The following FLVCR2 variants were observed in gnomAD, a reference collection of about 807,000 sequenced individuals.
FLVCR2 encodes FLVCR choline and putative heme transporter 2.
FLVCR2 carries 38 observed loss-of-function variants against 48.9 expected under a neutral mutation model. That is an observed-to-expected ratio of 0.78 (90% confidence interval 0.60 to 1.02). The LOEUF is 1.02. FLVCR2 is among the 50% of genes least tolerant of loss of function. The pLI, the probability that FLVCR2 is intolerant of heterozygous loss-of-function variation, is 0.00. For missense variants in FLVCR2, 664 were observed against 663.3 expected (o/e 1.00, Z -0.01); for synonymous variants, 255 against 257.0 (o/e 0.99, Z 0.07).
Position 75,579,104 on chromosome 14 carries a change from C to A in FLVCR2, c.132C>A (p.Ser44Arg). Residue 44 changes from serine to arginine, a missense_variant, in exon 1 of 10, where the codon AGC becomes AGA. Ser to Arg is a moderately radical substitution (Grantham distance 110, BLOSUM62 -1). Transcript: ENST00000238667. ...SVHPSVSINP[S>R]VSVHPSSSAH... Reference sequence around the variant, plus strand: ...ATCCCAGCGTCTCCATCAACCCCAGCGTCTCTGTCCACCCCAGCAGTTCGG... The same window carrying A: ...ATCCCAGCGTCTCCATCAACCCCAGAGTCTCTGTCCACCCCAGCAGTTCGG... The A allele has an allele frequency of 6.2e-7, 1 of 1,614,094 alleles. No individual in the cohort carries two copies. The highest frequency in any genetic ancestry group is 8.5e-7 in the Non-Finnish European group (1 of 1,179,974).
At chr14:75,639,021 C>A (rs1890236843) in intron 5 of FLVCR2, among the ~76,000 whole-genome samples, 1 of 152,168 alleles carries the variant, frequency 6.6e-6, no homozygotes, top group African/African-American at 2.4e-5. Context: ...TCGATACCAG[C>A]CTGGCCAACA....
chr14:75,631,789 A>T (rs1890046264), intron 3 of FLVCR2: 1 of 455,940 alleles, frequency 2.2e-6, no homozygotes, highest in Non-Finnish European at 4.4e-6. Context: ...TCCTTACGGG[A>T]TCTCTTCACT....
chr14:75,608,922 G>GAGACAA (rs1889366906), intron 1 of FLVCR2, among the ~76,000 whole-genome samples: 1 of 152,064 alleles, frequency 6.6e-6, no homozygotes, highest in Admixed American at 6.5e-5. Flanking sequence ...TCACATCTTT[G>GAGACAA]TCTCTGTTCT....
At chr14:75,640,875 T>C (rs1890293041) in intron 6 of FLVCR2, 80 bp from the exon 7 acceptor site, 2 of 945,714 alleles carry the variant, frequency 2.1e-6, no homozygotes, top group Non-Finnish European at 3.5e-6. Flanking sequence ...GCAAAGGGAG[T>C]CCTAGGGGAG....
chr14:75,632,755 C>A, intron 3 of FLVCR2: 1 of 702,284 alleles, frequency 1.4e-6, no homozygotes, highest in Non-Finnish European at 2.6e-6. Flanking sequence ...GTTAGAAAGA[C>A]CCCCGGTGGG....
chr14:75,628,801 G>A (rs1384038854), intron 3 of FLVCR2, among the ~76,000 whole-genome samples: 1 of 152,162 alleles, frequency 6.6e-6, no homozygotes, highest in Non-Finnish European at 1.5e-5. Flanking sequence ...CTAGAAAACA[G>A]TAATGATACT....
At chr14:75,612,255 A>G (rs757851232) in intron 1 of FLVCR2, among the ~76,000 whole-genome samples, 8 of 152,232 alleles carry the variant, frequency 5.3e-5, no homozygotes, top group Non-Finnish European at 1.2e-4. Flanking sequence ...TCCTAATTTC[A>G]GTAGCTGCTG....
chr14:75,638,097 C>T (rs1005937877), intron 5 of FLVCR2, among the ~76,000 whole-genome samples: 2 of 152,142 alleles, frequency 1.3e-5, no homozygotes, highest in Admixed American at 6.5e-5. Flanking sequence ...AATATTCTCT[C>T]TTAGTTCCTG....
intron 1 of FLVCR2, among the ~76,000 whole-genome samples, chr14:75,602,483 A>G (rs1473433540): frequency 1.3e-5 from 2 of 152,188 alleles, no homozygotes; most frequent in Non-Finnish European, 2.9e-5. Flanking sequence ...CCTCATTAGC[A>G]TAAACTCTGG....
intron 1 of FLVCR2, among the ~76,000 whole-genome samples, chr14:75,609,498 T>C (rs1056266291): frequency 6.6e-6 from 1 of 152,232 alleles, no homozygotes; most frequent in African/African-American, 2.4e-5. Flanking sequence ...TTTCTTTTTC[T>C]TTCCAGCTGT....
intron 5 of FLVCR2, 92 bp from the exon 6 acceptor site, chr14:75,639,260 C>G (rs1038858485): frequency 1.2e-6 from 1 of 834,198 alleles, no homozygotes. Context: ...TGACATGCGG[C>G]AGATACTTAA....
chr14:75,641,394 G>A, intron 8 of FLVCR2, 101 bp downstream of exon 8: 1 of 780,220 alleles, frequency 1.3e-6, no homozygotes, highest in Non-Finnish European at 2.3e-6. Flanking sequence ...TAGGGGGACA[G>A]ATGGAAGGGT....
Position 75,582,368 on chromosome 14 carries a change from G to T in FLVCR2, c.669+2727G>T, listed in dbSNP as rs138544870. On this transcript the variant is annotated intron_variant, in intron 1 of 9. Transcript: ENST00000238667. ...AGTCCCTTCGCAAGAGTGAGGGCTC[G>T]AGTTAAGGCAATGAGTTTGGCTTGC... is the stretch of plus-strand genomic sequence containing the variant. Among the ~76,000 whole-genome samples, 468 of 152,274 alleles carry T rather than the reference G, an allele frequency of 3.1e-3. 2 individuals carry two copies. The highest frequency in any genetic ancestry group is 0.019 in the South Asian group (90 of 4,824).
chr14:75,609,590 A>G (rs967678517), intron 1 of FLVCR2, among the ~76,000 whole-genome samples: 33 of 152,172 alleles, frequency 2.2e-4, no homozygotes, highest in African/African-American at 7.7e-4. Context: ...CATCCTATCT[A>G]TTTCTTGAAG....
chr14:75,606,405 C>T (rs776927466), intron 1 of FLVCR2, among the ~76,000 whole-genome samples: 13 of 152,170 alleles, frequency 8.5e-5, no homozygotes, highest in Non-Finnish European at 1.5e-4. Flanking sequence ...ATCTAGGCCT[C>T]CTTAGACCTT....
intron 1 of FLVCR2, among the ~76,000 whole-genome samples, chr14:75,612,532 G>A (rs553266671): frequency 2.1e-4 from 32 of 152,256 alleles, no homozygotes; most frequent in Middle Eastern, 3.4e-3. Context: ...GTCTTTGAAG[G>A]CCTGCTACCT....
At position 75,646,901 on chromosome 14, in the gene FLVCR2, A is replaced by C. The variant is rs1017811205; in HGVS notation, c.*429A>C. 7 of 272,982 alleles carry C rather than the reference A, an allele frequency of 2.6e-5. No individual in the cohort carries two copies. The highest frequency in any genetic ancestry group is 1.5e-4 in the African/African-American group (7 of 45,768). 16.9% of individuals were successfully genotyped at this position (272,982 alleles called of 1,614,324 possible). A position where few individuals can be genotyped will look rare whatever the true frequency, so the allele number is the denominator to read the frequency against. On this transcript the variant is annotated 3_prime_UTR_variant, in exon 10 of 10. Transcript: ENST00000238667. ...AGAGCCTCTCATGAAGCCCAGTTCT[A>C]ATAAGTGGCAAGCTGCTCTGCCGGG...
chr14:75,609,784 C>T (rs1012151318), intron 1 of FLVCR2, among the ~76,000 whole-genome samples: 19 of 152,100 alleles, frequency 1.2e-4, no homozygotes, highest in African/African-American at 4.3e-4. Flanking sequence ...TTGGTCGTCA[C>T]GTGAGCATCC....
chr14:75,596,143 G>C, intron 1 of FLVCR2: 1 of 830,218 alleles, frequency 1.2e-6, no homozygotes, highest in African/African-American at 1.7e-5. Flanking sequence ...ATGACTGTTT[G>C]TTTCCTCTGA....
Sources: gnomAD v4.1 joint callset for allele counts (sites outside exome capture counted in the v4.1 genomes callset) on GRCh38, gnomAD v4.1.1 for gene constraint, MANE v1.5 for transcripts, NCBI Gene and HGNC (gene_info 2026-07-23, HGNC 2026-07-21) for gene names.